The following XRCC5 variants were observed in gnomAD, a reference collection of about 807,000 sequenced individuals.
XRCC5 encodes the protein X-ray repair cross complementing 5.
XRCC5 carries 12 observed loss-of-function variants against 95.7 expected under a neutral mutation model. The ratio of observed to expected loss-of-function variants is 0.13; its 90% CI spans 0.08 to 0.20. The LOEUF (loss-of-function observed/expected upper bound fraction) is 0.20, where lower values mean the gene tolerates loss of function less well. Among genes scored for constraint, XRCC5 ranks in the 10% least tolerant of loss-of-function variants. The probability of loss-of-function intolerance (pLI) is 1.00; values close to 1 mark genes in which losing one functional copy is unlikely to be tolerated. For synonymous variants in XRCC5, 281 were observed against 290.3 expected, an observed-to-expected ratio of 0.97 and a Z score of 0.33; for missense variants, 595 against 873.9, an observed-to-expected ratio of 0.68 and a Z score of 4.02.
intron 16 of XRCC5, 123 bp downstream of exon 16, chr2:216,162,171 T>C: frequency 2.1e-6 from 2 of 935,730 alleles, no homozygotes; most frequent in Non-Finnish European, 3.4e-6. Context: ...GGCGGATCTT[T>C]GTGGTTTTCC....
intron 12 of XRCC5, among the ~76,000 whole-genome samples, chr2:216,139,222 C>CAG (rs1697136058): frequency 6.6e-6 from 1 of 152,170 alleles, no homozygotes; most frequent in Non-Finnish European, 1.5e-5. Context: ...TCATAGCTTA[C>CAG]TGGAGCCTCA....
intron 16 of XRCC5, among the ~76,000 whole-genome samples, chr2:216,178,036 A>G (rs1364566804): frequency 6.6e-6 from 1 of 152,192 alleles, no homozygotes; most frequent in South Asian, 2.1e-4. Flanking sequence ...CTCTTTAAGT[A>G]TATGAGTAAT....
In XRCC5 at chr2:216,110,082, A is replaced by G. The variant is rs185107165; in HGVS notation, c.21+625A>G. Among the ~76,000 whole-genome samples, 3 of 152,276 alleles carry G rather than the reference A, an allele frequency of 2.0e-5. No individual in the cohort carries two copies. In the East Asian group the frequency reaches 5.8e-4, roughly 29 times the overall value. ...GAAAACTATTTATCCCCATTTTGCA[A>G]GTGGGAAAACCGAGGAATAAAGAAC... On this transcript the variant is annotated intron_variant, in intron 1 of 20. Coordinates refer to ENST00000392132, the MANE Select transcript of XRCC5 (RefSeq NM_021141.4).
intron 16 of XRCC5, among the ~76,000 whole-genome samples, chr2:216,185,826 T>C (rs1373698720): frequency 2.0e-5 from 3 of 152,160 alleles, no homozygotes; most frequent in Non-Finnish European, 4.4e-5. Context: ...GGTTTCACAA[T>C]GTTGGCCAGG....
chr2:216,127,261 A>G (rs1696914186), intron 7 of XRCC5, among the ~76,000 whole-genome samples: 1 of 152,208 alleles, frequency 6.6e-6, no homozygotes, highest in Admixed American at 6.5e-5. Flanking sequence ...ATAAATAAAT[A>G]AAAATATTAG....
intron 16 of XRCC5, among the ~76,000 whole-genome samples, chr2:216,163,221 G>C (rs992857931): frequency 3.3e-5 from 5 of 151,480 alleles, no homozygotes; most frequent in African/African-American, 1.2e-4. Flanking sequence ...TATAACGTTG[G>C]ACCTCTGGGC....
At chr2:216,126,168 ATC>A (rs1165037494) in intron 7 of XRCC5, 137 bp downstream of exon 7, 39 of 677,928 alleles carry the variant, frequency 5.8e-5, no homozygotes, top group Non-Finnish European at 8.7e-5. Context: ...TGCTCATTTA[ATC>A]TCTGTTTAGC....
chr2:216,190,537 G>C (rs1689596958), intron 17 of XRCC5, among the ~76,000 whole-genome samples: 1 of 152,180 alleles, frequency 6.6e-6, no homozygotes, highest in Admixed American at 6.5e-5. Context: ...AAGATGAGTA[G>C]GTAGGGTGTT....
At chr2:216,191,627 T>G (rs1689614060) in intron 17 of XRCC5, among the ~76,000 whole-genome samples, 1 of 152,100 alleles carries the variant, frequency 6.6e-6, no homozygotes, top group African/African-American at 2.4e-5. Context: ...GCCAGGCTGG[T>G]CTCGAACTCC....
chr2:216,199,809 T>A (rs1259307728), intron 19 of XRCC5, among the ~76,000 whole-genome samples: 1 of 58,194 alleles, frequency 1.7e-5, no homozygotes, highest in South Asian at 5.6e-4. Flanking sequence ...GGCATTGGGA[T>A]CTTTTTTTTT....
intron 16 of XRCC5, among the ~76,000 whole-genome samples, chr2:216,162,927 G>T (rs1688980277): frequency 6.6e-6 from 1 of 152,152 alleles, no homozygotes; most frequent in Admixed American, 6.5e-5. Flanking sequence ...TCATTCACTT[G>T]ATTGCATTCA....
At chr2:216,151,382 C>T (rs1012043884) in intron 14 of XRCC5, among the ~76,000 whole-genome samples, 1 of 152,152 alleles carries the variant, frequency 6.6e-6, no homozygotes, top group Non-Finnish European at 1.5e-5. Context: ...CTGATGTATA[C>T]GTGATCTTGA....
At chr2:216,204,203 G>A (rs1689899391) in intron 19 of XRCC5, 119 bp from the exon 20 acceptor site, 1 of 1,149,660 alleles carries the variant, frequency 8.7e-7, no homozygotes, top group Non-Finnish European at 1.3e-6. Context: ...TGGGCCGTTG[G>A]CAGTGAGACT....
intron 3 of XRCC5, 72 bp from the exon 4 acceptor site, chr2:216,117,673 GA>G: frequency 6.7e-7 from 1 of 1,492,554 alleles, no homozygotes; most frequent in South Asian, 1.1e-5. Flanking sequence ...CAGCACGGTG[GA>G]CTTCATTGGA....
At chr2:216,161,057 CT>C (rs1410075056) in intron 15 of XRCC5, among the ~76,000 whole-genome samples, 23 of 152,222 alleles carry the variant, frequency 1.5e-4, no homozygotes, top group Admixed American at 7.2e-4. Context: ...TGGCCGATAA[CT>C]TTTTAACACA....
intron 16 of XRCC5, among the ~76,000 whole-genome samples, chr2:216,188,808 T>C (rs2106046000): frequency 6.6e-6 from 1 of 152,368 alleles, no homozygotes; most frequent in Middle Eastern, 3.4e-3. Flanking sequence ...ATTCTCTCTC[T>C]ATTTTGAATT....
intron 19 of XRCC5, among the ~76,000 whole-genome samples, chr2:216,201,028 A>C (rs1041297523): frequency 6.6e-6 from 1 of 152,236 alleles, no homozygotes; most frequent in Admixed American, 6.5e-5. Context: ...CTGAGACTCA[A>C]CAACCCCTAA....
chr2:216,149,748 A>T (rs888685863), intron 14 of XRCC5, among the ~76,000 whole-genome samples: 3 of 152,112 alleles, frequency 2.0e-5, no homozygotes, highest in African/African-American at 4.8e-5. Flanking sequence ...ACCCAGAAGG[A>T]TGCAGTTCTG....
At chr2:216,195,990 CTA>C (rs2106050752) in intron 19 of XRCC5, among the ~76,000 whole-genome samples, 1 of 152,206 alleles carries the variant, frequency 6.6e-6, no homozygotes, top group African/African-American at 2.4e-5. Context: ...CAGAAAATAA[CTA>C]TACACACTAA....
Sources: allele counts gnomAD v4.1 joint callset (sites outside exome capture counted in the v4.1 genomes callset), GRCh38; gene constraint gnomAD v4.1.1; transcripts MANE v1.5; gene names NCBI Gene and HGNC (gene_info 2026-07-23, HGNC 2026-07-21).